DDX10: variants seen among roughly 807,000 people sequenced by gnomAD.
The protein encoded by DDX10 is probable ATP-dependent RNA helicase DDX10.
A neutral mutation model predicts 104.3 loss-of-function variants in DDX10; 74 were observed. The ratio of observed to expected loss-of-function variants is 0.71; its 90% confidence interval spans 0.59 to 0.86. DDX10 has a LOEUF of 0.86. Ranked by LOEUF, DDX10 falls within the 40% of genes least tolerant of loss-of-function variation. The probability of loss-of-function intolerance (pLI) is 0.00; values close to 1 mark genes in which losing one functional copy is unlikely to be tolerated. For missense variants in DDX10, 952 were observed against 1,040.0 expected, an observed-to-expected ratio of 0.92 and a Z score of 1.16; for synonymous variants, 351 against 353.4, an observed-to-expected ratio of 0.99 and a Z score of 0.08.
chr11:108,731,580 A>G (rs2094312372), intron 13 of DDX10, among the ~76,000 whole-genome samples: 1 of 148,770 alleles, frequency 6.7e-6, no homozygotes, highest in South Asian at 2.1e-4. Context: ...TGGTGTCATC[A>G]TGGCTCGCTG....
In DDX10 at chr11:108,679,403, G is replaced by C. The variant is rs140303208; in HGVS notation, c.691G>C (p.Gly231Arg). Residue 231 changes from glycine (G) to arginine (R), a missense_variant, in exon 6 of 18, where the codon GGC becomes CGC. By Grantham distance (125) the Gly-to-Arg change is moderately radical (BLOSUM62 -2). Around this residue, in one of 3 missense-constraint regions of DDX10, gnomAD observed 412 missense variants for 479.2 expected, o/e 0.86. Transcript: ENST00000322536. The stretch of plus-strand genomic sequence containing the variant: ...TGAAGCAGATAGAATCTTGGATATG[G>C]GCTTTGCTGATACCATGAATGCTGT... ...LDEADRILDM[G>R]FADTMNAVIE... The C allele has an allele frequency of 1.9e-6, 3 of 1,606,254 alleles. No homozygotes were observed. The highest frequency in any genetic ancestry group is 2.5e-6 in the Non-Finnish European group (3 of 1,178,414).
intron 13 of DDX10, among the ~76,000 whole-genome samples, chr11:108,777,993 C>T (rs182432109): frequency 2.1e-3 from 319 of 152,046 alleles, no homozygotes; most frequent in Non-Finnish European, 3.6e-3. Context: ...ACAAGGGATG[C>T]GAAGGACCTC....
chr11:108,868,030 G>A (rs1863029704), intron 16 of DDX10, among the ~76,000 whole-genome samples: 1 of 152,064 alleles, frequency 6.6e-6, no homozygotes, highest in African/African-American at 2.4e-5. Context: ...TCTAGATATT[G>A]TAGCTTTGCA....
At chr11:108,871,217 A>G (rs187630234) in intron 16 of DDX10, among the ~76,000 whole-genome samples, 5 of 152,210 alleles carry the variant, frequency 3.3e-5, no homozygotes, top group Admixed American at 2.0e-4. Context: ...TAGGCTGCCC[A>G]TGTACCATAC....
intron 16 of DDX10, among the ~76,000 whole-genome samples, chr11:108,883,320 A>AT (rs1254704616): frequency 1.3e-5 from 2 of 152,114 alleles, no homozygotes; most frequent in Non-Finnish European, 2.9e-5. Flanking sequence ...TCAAGATATT[A>AT]TTTTTTGTTA....
intron 6 of DDX10, among the ~76,000 whole-genome samples, chr11:108,685,255 T>C (rs1375910244): frequency 1.3e-5 from 2 of 151,496 alleles, no homozygotes; most frequent in Non-Finnish European, 2.9e-5. Flanking sequence ...CTTAAGCCGG[T>C]CTGAAAAGCG....
chr11:108,929,190 G>A (rs1052335002), intron 17 of DDX10, among the ~76,000 whole-genome samples: 1 of 152,190 alleles, frequency 6.6e-6, no homozygotes, highest in African/African-American at 2.4e-5. Flanking sequence ...CCCTCATAGA[G>A]CGTACGCTCC....
chr11:108,754,772 A>G (rs1422947349), intron 13 of DDX10, among the ~76,000 whole-genome samples: 1 of 152,030 alleles, frequency 6.6e-6, no homozygotes, highest in Non-Finnish European at 1.5e-5. Flanking sequence ...TGGGAAATCT[A>G]TGAGAACGGA....
intron 17 of DDX10, among the ~76,000 whole-genome samples, chr11:108,931,758 A>C (rs905790336): frequency 6.6e-6 from 1 of 152,234 alleles, no homozygotes; most frequent in Non-Finnish European, 1.5e-5. Context: ...TAGGAAACTA[A>C]AGATTCTTCT....
chr11:108,714,724 C>A (rs71489915), intron 10 of DDX10, among the ~76,000 whole-genome samples: 8,201 of 150,458 alleles, frequency 0.055, 317 homozygotes, highest in Non-Finnish European at 0.085. Context: ...GTACATTCAG[C>A]ATCAGTGGGA....
chr11:108,765,087 GC>G (rs905420685), intron 13 of DDX10, among the ~76,000 whole-genome samples: 1 of 152,110 alleles, frequency 6.6e-6, no homozygotes, highest in African/African-American at 2.4e-5. Flanking sequence ...TACTGAAGAA[GC>G]CAAATTTCTT....
chr11:108,676,724 G>A (rs1270951285), intron 3 of DDX10, among the ~76,000 whole-genome samples: 4 of 152,204 alleles, frequency 2.6e-5, no homozygotes, highest in South Asian at 4.1e-4. Flanking sequence ...GGGATCAGGC[G>A]TGAGCCACTG....
chr11:108,853,711 C>G (rs1463596921), intron 16 of DDX10, among the ~76,000 whole-genome samples: 1 of 152,108 alleles, frequency 6.6e-6, no homozygotes, highest in Non-Finnish European at 1.5e-5. Flanking sequence ...GGCATTTTCA[C>G]TGGGGGTTGA....
At chr11:108,826,714 A>G (rs1448680038) in intron 13 of DDX10, among the ~76,000 whole-genome samples, 1 of 152,174 alleles carries the variant, frequency 6.6e-6, no homozygotes, top group African/African-American at 2.4e-5. Context: ...GAAGTTCTGT[A>G]TGGAGGTGAT....
At chr11:108,776,000 GT>G (rs2094369394) in intron 13 of DDX10, among the ~76,000 whole-genome samples, 1 of 152,126 alleles carries the variant, frequency 6.6e-6, no homozygotes, top group South Asian at 2.1e-4. Flanking sequence ...TTTTGATGCT[GT>G]GTTGTATCTT....
chr11:108,769,949 T>A (rs1490412330), intron 13 of DDX10, among the ~76,000 whole-genome samples: 5 of 152,152 alleles, frequency 3.3e-5, no homozygotes, highest in Non-Finnish European at 7.4e-5. Context: ...ATAAAAAAAA[T>A]TTAGTGAGAA....
chr11:108,708,600 C>G (rs2094279881), intron 10 of DDX10, among the ~76,000 whole-genome samples: 1 of 145,672 alleles, frequency 6.9e-6, no homozygotes, highest in Non-Finnish European at 1.5e-5. Context: ...CAGAGTCTTG[C>G]TCTGTCGTTC....
At chr11:108,860,020 TTTC>T (rs932449681) in intron 16 of DDX10, among the ~76,000 whole-genome samples, 23 of 152,302 alleles carry the variant, frequency 1.5e-4, no homozygotes, top group Admixed American at 5.9e-4. Flanking sequence ...TCTTTCCTCC[TTTC>T]TTCTTCTTCT....
intron 17 of DDX10, chr11:108,919,756 T>C (rs1459047656): frequency 1.3e-5 from 2 of 152,234 alleles, no homozygotes; most frequent in African/African-American, 4.8e-5. Flanking sequence ...ATGGATTTTT[T>C]CCCTAACATT....
Sources: gnomAD v4.1 joint callset for allele counts (sites outside exome capture counted in the v4.1 genomes callset) on GRCh38, gnomAD v4.1.1 for gene constraint, gnomAD v4.1.1 regional missense constraint, MANE v1.5 for transcripts, NCBI Gene and HGNC (gene_info 2026-07-23, HGNC 2026-07-21) for gene names.